NTM: variants seen among roughly 807,000 people sequenced by gnomAD.
NTM encodes the protein IgLON family member 2.
In NTM, 13 loss-of-function variants were observed where a neutral mutation model predicts 42.1. That is an observed-to-expected ratio of 0.31 (90% CI 0.20 to 0.49). The LOEUF (loss-of-function observed/expected upper bound fraction) is 0.49. Ranked by LOEUF, NTM falls within the 20% of genes least tolerant of loss-of-function variation. The pLI, the probability that NTM is intolerant of heterozygous loss-of-function variation, is 0.99. For synonymous variants in NTM, 187 were observed against 179.2 expected, an observed-to-expected ratio of 1.04 and a Z score of -0.35; for missense variants, 373 against 452.8, an observed-to-expected ratio of 0.82 and a Z score of 1.60.
intron 1 of NTM, among the ~76,000 whole-genome samples, chr11:131,384,846 C>A (rs1323211276): frequency 6.6e-6 from 1 of 152,222 alleles, no homozygotes; most frequent in South Asian, 2.1e-4. Context: ...GCTTAAATAA[C>A]GTAATCTGTA....
At chr11:131,547,025 A>G (rs1394178443) in intron 1 of NTM, among the ~76,000 whole-genome samples, 1 of 152,158 alleles carries the variant, frequency 6.6e-6, no homozygotes, top group African/African-American at 2.4e-5. Context: ...CTCTTCCAAG[A>G]AGCCCTCTGT....
chr11:132,013,778 A>T (rs989441269), intron 2 of NTM, among the ~76,000 whole-genome samples: 8 of 152,148 alleles, frequency 5.3e-5, no homozygotes, highest in Non-Finnish European at 1.0e-4. Context: ...GTTCATGTTT[A>T]TGTGATACAT....
chr11:131,562,372 C>T (rs2056346982), intron 1 of NTM, among the ~76,000 whole-genome samples: 2 of 152,234 alleles, frequency 1.3e-5, no homozygotes, highest in Admixed American at 6.5e-5. Context: ...GAAGTATAAT[C>T]TCATGAGGAA....
Position 131,761,171 on chromosome 11 carries a change from A to G in NTM, c.83-150393A>G, listed in dbSNP as rs532533958. 3.3e-4 allele frequency among the ~76,000 whole-genome samples: 51 copies of G among 152,272 alleles called. No homozygotes were observed. In the South Asian group the frequency reaches 1.0e-2, roughly 30 times the overall value. On this transcript the variant is annotated intron_variant, in intron 1 of 8. Coordinates refer to ENST00000683400, the MANE Select transcript of NTM (RefSeq NM_001352005.2). ...TGGCAAGAGGCAGGGAGGAGAATCG[A>G]CTTTGCAGGACCTGTTATGCGTTAC... is the stretch of plus-strand genomic sequence containing the variant.
chr11:131,375,116 A>G (rs1941779645), intron 1 of NTM, among the ~76,000 whole-genome samples: 1 of 152,178 alleles, frequency 6.6e-6, no homozygotes, highest in Admixed American at 6.5e-5. Flanking sequence ...TGGTCTGAAC[A>G]TAGCTCCATG....
chr11:131,466,294 A>G (rs1385218229), intron 1 of NTM, among the ~76,000 whole-genome samples: 3 of 152,218 alleles, frequency 2.0e-5, no homozygotes, highest in Non-Finnish European at 4.4e-5. Context: ...GCCCAGATTT[A>G]TTGACTTCTT....
At chr11:131,870,363 G>T (rs1483411421) in intron 1 of NTM, among the ~76,000 whole-genome samples, 1 of 152,218 alleles carries the variant, frequency 6.6e-6, no homozygotes, top group Non-Finnish European at 1.5e-5. Context: ...ACTAACTGAA[G>T]TTGTATGTGT....
At chr11:131,777,625 A>G (rs1348470875) in intron 1 of NTM, among the ~76,000 whole-genome samples, 1 of 151,602 alleles carries the variant, frequency 6.6e-6, no homozygotes, top group Non-Finnish European at 1.5e-5. Context: ...TTTTACCCTC[A>G]TTTTTTCAAA....
chr11:131,550,978 C>T (rs976638878), intron 1 of NTM, among the ~76,000 whole-genome samples: 2 of 152,210 alleles, frequency 1.3e-5, no homozygotes, highest in South Asian at 2.1e-4. Context: ...GATGCAGACC[C>T]GCTGACTCTC....
At chr11:132,314,818 G>A in intron 7 of NTM, 115 bp downstream of exon 7, 1 of 1,391,364 alleles carries the variant, frequency 7.2e-7, no homozygotes, top group Non-Finnish European at 9.3e-7. Flanking sequence ...CAGTGGACAT[G>A]GAGAGGGAGG....
At chr11:131,901,442 T>C (rs1034750603) in intron 1 of NTM, among the ~76,000 whole-genome samples, 2 of 152,246 alleles carry the variant, frequency 1.3e-5, no homozygotes, top group African/African-American at 4.8e-5. Context: ...CCATGTGAGC[T>C]AAAGTTTTAA....
intron 1 of NTM, among the ~76,000 whole-genome samples, chr11:131,846,837 T>G (rs2044968510): frequency 6.6e-6 from 1 of 152,120 alleles, no homozygotes; most frequent in Non-Finnish European, 1.5e-5. Context: ...AGCCCTAGGC[T>G]CAACAACAGA....
At chr11:131,400,004 T>G (rs962052900) in intron 1 of NTM, among the ~76,000 whole-genome samples, 15 of 152,160 alleles carry the variant, frequency 9.9e-5, no homozygotes, top group African/African-American at 3.4e-4. Context: ...TTTCATGAGA[T>G]TCATCCTAAT....
intron 1 of NTM, among the ~76,000 whole-genome samples, chr11:131,798,666 A>G (rs2136209820): frequency 6.6e-6 from 1 of 152,350 alleles, no homozygotes; most frequent in African/African-American, 2.4e-5. Context: ...ATAAAACAGT[A>G]TGTGGCCATT....
At chr11:131,772,646 GC>G (rs772281471) in intron 1 of NTM, among the ~76,000 whole-genome samples, 4 of 152,148 alleles carry the variant, frequency 2.6e-5, no homozygotes, top group Non-Finnish European at 5.9e-5. Flanking sequence ...TGAAGATGTG[GC>G]CAGCTCACAC....
chr11:132,150,112 T>C (rs1216707576), intron 3 of NTM, among the ~76,000 whole-genome samples: 5 of 152,162 alleles, frequency 3.3e-5, no homozygotes, highest in Non-Finnish European at 7.3e-5. Context: ...AATGCTTCTA[T>C]TCGTGGCATG....
At chr11:131,891,013 T>G (rs1023339847) in intron 1 of NTM, among the ~76,000 whole-genome samples, 1 of 152,214 alleles carries the variant, frequency 6.6e-6, no homozygotes, top group Non-Finnish European at 1.5e-5. Flanking sequence ...CGAATTTGTT[T>G]AGACTATGTC....
intron 1 of NTM, among the ~76,000 whole-genome samples, chr11:131,701,611 C>T (rs1002427383): frequency 2.3e-4 from 35 of 152,218 alleles, no homozygotes; most frequent in Admixed American, 2.0e-4. Flanking sequence ...TATTCTTCAC[C>T]AATGTCCAAT....
intron 4 of NTM, among the ~76,000 whole-genome samples, chr11:132,218,368 C>T (rs2084381887): frequency 6.6e-6 from 1 of 152,156 alleles, no homozygotes; most frequent in Admixed American, 6.5e-5. Flanking sequence ...GTTGGGTTGC[C>T]CTGTCAGTAA....
Sources: allele counts gnomAD v4.1 joint callset (sites outside exome capture counted in the v4.1 genomes callset), GRCh38; gene constraint gnomAD v4.1.1; transcripts MANE v1.5; gene names NCBI Gene and HGNC (gene_info 2026-07-23, HGNC 2026-07-21).